TAF3: variants seen among roughly 807,000 people sequenced by gnomAD.
TAF3 encodes TATA-box binding protein associated factor 3, also known as transcription initiation factor TFIID subunit 3.
In TAF3, 7 loss-of-function variants were observed where a neutral mutation model predicts 80.6. The observed-to-expected ratio is 0.09, with a 90% CI of 0.05 to 0.16. The LOEUF (loss-of-function observed/expected upper bound fraction) is 0.16, where lower values mean the gene tolerates loss of function less well. TAF3 is among the 10% of genes least tolerant of loss of function. The pLI, the probability that TAF3 is intolerant of heterozygous loss-of-function variation, is 1.00. For missense variants in TAF3, 921 were observed against 1,140.2 expected (o/e 0.81, Z 2.77); for synonymous variants, 444 against 446.1 (o/e 1.00, Z 0.06).
chr10:7,927,831 TG>T (rs1254779260), intron 2 of TAF3, among the ~76,000 whole-genome samples: 1 of 152,224 alleles, frequency 6.6e-6, no homozygotes, highest in African/African-American at 2.4e-5. Flanking sequence ...GTTTTGCTTA[TG>T]AAGAGGCACT....
intron 2 of TAF3, among the ~76,000 whole-genome samples, chr10:7,952,921 A>T (rs10795580): frequency 0.53 from 79,839 of 151,996 alleles, 22,793 homozygotes; most frequent in East Asian, 0.7. Flanking sequence ...TTATAAGGAG[A>T]TGTCAATGGA....
At chr10:7,820,041 T>C (rs1836675173) in intron 1 of TAF3, among the ~76,000 whole-genome samples, 1 of 152,244 alleles carries the variant, frequency 6.6e-6, no homozygotes, top group African/African-American at 2.4e-5. Context: ...GCTTACCTTT[T>C]GCCAGCCTGC....
At chr10:7,842,060 A>G (rs1836919927) in intron 2 of TAF3, among the ~76,000 whole-genome samples, 1 of 151,974 alleles carries the variant, frequency 6.6e-6, no homozygotes, top group South Asian at 2.1e-4. Flanking sequence ...TGTGGGAGGC[A>G]GAGGCCCTCC....
chr10:7,998,249 ATATATATATATATATG>A (rs1330329848), intron 4 of TAF3, among the ~76,000 whole-genome samples: 4 of 104,496 alleles, frequency 3.8e-5, no homozygotes, highest in East Asian at 5.6e-4. Flanking sequence ...AACTATATAT[ATATATATATATATATG>A]TATATATATA....
At chr10:7,982,852 G>T (rs1179741148) in intron 4 of TAF3, among the ~76,000 whole-genome samples, 1 of 152,110 alleles carries the variant, frequency 6.6e-6, no homozygotes, top group Non-Finnish European at 1.5e-5. Context: ...GGCATTTTTT[G>T]TTGACTTTTG....
chr10:7,911,252 C>T (rs115280206), intron 2 of TAF3, among the ~76,000 whole-genome samples: 1 of 152,196 alleles, frequency 6.6e-6, no homozygotes, highest in African/African-American at 2.4e-5. Context: ...TATTCAAACC[C>T]ATGAGGCATT....
intron 2 of TAF3, among the ~76,000 whole-genome samples, chr10:7,876,635 T>G (rs1352299736): frequency 2.0e-5 from 3 of 152,188 alleles, no homozygotes; most frequent in Non-Finnish European, 4.4e-5. Flanking sequence ...TCAGTGGTTA[T>G]GTGACAGTTT....
At chr10:7,876,862 C>T (rs1837317124) in intron 2 of TAF3, among the ~76,000 whole-genome samples, 1 of 152,140 alleles carries the variant, frequency 6.6e-6, no homozygotes, top group African/African-American at 2.4e-5. Flanking sequence ...ATTCTTCCTC[C>T]AGACTCTTTT....
intron 2 of TAF3, among the ~76,000 whole-genome samples, chr10:7,832,193 C>T (rs1265130594): frequency 6.6e-6 from 1 of 152,108 alleles, no homozygotes; most frequent in African/African-American, 2.4e-5. Context: ...TGTATCCCCA[C>T]ATCCCCACAT....
chr10:7,981,332 C>T (rs1348757429), intron 4 of TAF3, among the ~76,000 whole-genome samples: 1 of 152,098 alleles, frequency 6.6e-6, no homozygotes, highest in East Asian at 1.9e-4. Context: ...GTGAGCAGCT[C>T]CTCCTCCTCC....
chr10:7,897,333 CTT>C (rs1837514411), intron 2 of TAF3, among the ~76,000 whole-genome samples: 1 of 152,306 alleles, frequency 6.6e-6, no homozygotes, highest in South Asian at 2.1e-4. Context: ...TTGATATTTA[CTT>C]TCCAGTAGAA....
chr10:7,821,066 T>C (rs1836685532), intron 1 of TAF3, among the ~76,000 whole-genome samples: 1 of 152,204 alleles, frequency 6.6e-6, no homozygotes, highest in African/African-American at 2.4e-5. Flanking sequence ...AGAAGGGAGC[T>C]GCCACTCTAT....
chr10:7,995,410 A>C (rs74938738), intron 4 of TAF3, among the ~76,000 whole-genome samples: 4,665 of 152,140 alleles, frequency 0.031, 104 homozygotes, highest in African/African-American at 0.056. Context: ...TTTCCCTATG[A>C]CCTTTATACT....
chr10:7,918,721 G>C (rs1837735313), intron 2 of TAF3, among the ~76,000 whole-genome samples: 1 of 152,178 alleles, frequency 6.6e-6, no homozygotes, highest in Admixed American at 6.5e-5. Context: ...ATATTCCGTA[G>C]ACCGTATCTC....
chr10:7,860,908 T>C (rs1359199603), intron 2 of TAF3, among the ~76,000 whole-genome samples: 2 of 151,834 alleles, frequency 1.3e-5, no homozygotes, highest in African/African-American at 4.8e-5. Context: ...CAAGCAATTC[T>C]CTGCTTCAGC....
chr10:7,820,575 G>T (rs530378743), intron 1 of TAF3, among the ~76,000 whole-genome samples: 1 of 152,326 alleles, frequency 6.6e-6, no homozygotes, highest in Non-Finnish European at 1.5e-5. Flanking sequence ...GCTCTCTATA[G>T]CCTCGAACTT....
At position 8,011,738 on chromosome 10, in the gene TAF3, C is replaced by T. The variant is rs1021746393; in HGVS notation, c.2569-1993C>T. Among the ~76,000 whole-genome samples, 6 of 152,186 alleles carry T rather than the reference C, an allele frequency of 3.9e-5. 1 individual carries two copies. Among genetic ancestry groups the T allele is most frequent in the East Asian group, 1.9e-4 (1 of 5,202 alleles). ...TTTTGTACTTAACCTCCTTGACCTT[C>T]GTGTCTTCATCTGTAATTAAGGAGT... is the stretch of plus-strand genomic sequence containing the variant. On this transcript the variant is annotated intron_variant, in intron 5 of 6. Transcript: ENST00000344293.
chr10:7,854,335 C>T (rs1325358436), intron 2 of TAF3, among the ~76,000 whole-genome samples: 1 of 152,140 alleles, frequency 6.6e-6, no homozygotes. Context: ...AAACTGCCTA[C>T]GTAAGATAAC....
chr10:7,984,857 A>G (rs189532280), intron 4 of TAF3, among the ~76,000 whole-genome samples: 24 of 152,356 alleles, frequency 1.6e-4, no homozygotes, highest in Non-Finnish European at 1.0e-4. Context: ...CTATCTGATT[A>G]TAATTTCTCC....
Sources: allele counts gnomAD v4.1 joint callset (sites outside exome capture counted in the v4.1 genomes callset), GRCh38; gene constraint gnomAD v4.1.1; transcripts MANE v1.5; gene names NCBI Gene and HGNC (gene_info 2026-07-23, HGNC 2026-07-21).